CELSR2: variants seen among roughly 807,000 people sequenced by gnomAD.
CELSR2 encodes the protein EGF-like protein 2.
A neutral mutation model predicts 251.6 loss-of-function variants in CELSR2; 81 were observed. The observed-to-expected ratio is 0.32, with a 90% CI of 0.27 to 0.39. The LOEUF is 0.39. Among genes scored for constraint, CELSR2 ranks in the 10% least tolerant of loss-of-function variants. The pLI, the probability that CELSR2 is intolerant of heterozygous loss-of-function variation, is 1.00. For synonymous variants in CELSR2, 1,721 were observed against 1,670.5 expected, an observed-to-expected ratio of 1.03 and a Z score of -0.74; for missense variants, 3,365 against 3,947.7, an observed-to-expected ratio of 0.85 and a Z score of 3.96.
At chr1:109,262,515 G>T (rs1361960201) in intron 6 of CELSR2, 71 bp downstream of exon 6, 13 of 1,571,358 alleles carry the variant, frequency 8.3e-6, no homozygotes, top group Non-Finnish European at 1.0e-5. Flanking sequence ...AGGTGGAGAG[G>T]GTGGGCTTTT....
Position 109,250,721 on chromosome 1 carries a change from T to G in CELSR2, c.642T>G (p.Gly214=), listed in dbSNP as rs751415974. The change falls in exon 1 of 34, where the codon GGT becomes GGG. Residue 214 remains glycine (G), a synonymous_variant. Coordinates refer to ENST00000271332, the MANE Select transcript of CELSR2 (RefSeq NM_001408.3). The surrounding 1 kb of genome is among the most constrained non-coding windows in gnomAD (Gnocchi z 4.4). ...RAIDPDEGEA[G]RLEYTMDALF... is the part of the protein sequence containing the mutation. ...TCGACCCGGACGAGGGTGAGGCAGG[T>G]CGACTGGAGTACACCATGGATGCCC... The G allele has an allele frequency of 3.1e-6, 5 of 1,613,912 alleles. No homozygotes were observed. Among genetic ancestry groups the G allele is most frequent in the Non-Finnish European group, 4.2e-6 (5 of 1,180,020 alleles).
Position 109,253,113 on chromosome 1 carries a change from C to T in CELSR2, c.3034C>T (p.Arg1012Cys), listed in dbSNP as rs372546163. 15 of 1,613,838 alleles carry T rather than the reference C, an allele frequency of 9.3e-6. No homozygotes were observed. Among genetic ancestry groups the T allele is most frequent in the Middle Eastern group, 3.3e-4 (2 of 6,062 alleles). ...GGTGAGCCGGGCTACAGTCCACGTC[C>T]GCCTCCTTGACCGCAATGACAACCC... ...PLVSRATVHVRLLDRNDNPPV... is the reference protein window; with the variant it reads ...PLVSRATVHVCLLDRNDNPPV... Residue 1012 changes from arginine (R) to cysteine (C), a missense_variant, in exon 1 of 34, where the codon CGC becomes TGC. Physicochemically the swap from Arg to Cys is radical, Grantham distance 180. This residue lies in a region of CELSR2 where 505 missense variants were observed against 660.0 expected (regional missense o/e 0.77). Transcript: ENST00000271332.
chr1:109,263,520 G>A, intron 8 of CELSR2, 91 bp from the exon 9 acceptor site: 1 of 1,527,814 alleles, frequency 6.5e-7, no homozygotes, highest in South Asian at 1.2e-5. Flanking sequence ...AGTGGGCTCT[G>A]CCTCCCGTGC....
chr1:109,265,144 T>C, intron 12 of CELSR2, 47 bp from the exon 13 acceptor site: 1 of 1,581,594 alleles, frequency 6.3e-7, no homozygotes, highest in South Asian at 1.2e-5. Context: ...CTAGGTTAGG[T>C]GGGAGTGGCA....
At position 109,261,620 on chromosome 1, in the gene CELSR2, T is replaced by G; in HGVS notation, c.4289T>G (p.Phe1430Cys). 6.2e-7 allele frequency: 1 copy of G among 1,611,154 alleles called. No individual in the cohort carries two copies. The highest frequency in any genetic ancestry group is 8.5e-7 in the Non-Finnish European group (1 of 1,177,342). The change falls in exon 4 of 34, where the codon TTC (phenylalanine) becomes TGC (cysteine). Residue 1430 changes from phenylalanine to cysteine, a missense_variant. Phe to Cys is a radical substitution (Grantham distance 205). Transcript: ENST00000271332. This position sits in a 1 kb window ranked among gnomAD's most constrained non-coding sequence, Gnocchi z 4.8. The stretch of plus-strand genomic sequence containing the variant: ...ATCCAGGAGCAGGTCCAGCTCACCT[T>G]CTCTGCAGGTGATCACAGTTGCCCC... ...EVIQEQVQLTFSAGESTTTVS... is the reference protein window; with the variant it reads ...EVIQEQVQLTCSAGESTTTVS...
chr1:109,263,840 C>A, intron 9 of CELSR2, 63 bp downstream of exon 9: 1 of 1,568,362 alleles, frequency 6.4e-7, no homozygotes. Context: ...CTCTAGGCGG[C>A]TGGACAGAAG....
rs41279720 is a variant in CELSR2 at position 109,273,567 on chromosome 1, C to G, written c.8641C>G (p.Arg2881Gly). The G allele has an allele frequency of 2.6e-6, 4 of 1,565,346 alleles. No homozygotes were observed. Among genetic ancestry groups the G allele is most frequent in the Non-Finnish European group, 3.5e-6 (4 of 1,155,668 alleles). The change falls in exon 33 of 34, where the codon CGC (arginine) becomes GGC (glycine). Residue 2881 changes from arginine to glycine, a missense_variant. By Grantham distance (125) the Arg-to-Gly change is moderately radical. Around this residue, in one of 5 missense-constraint regions of CELSR2, gnomAD observed 2,093 missense variants for 2,382.8 expected, o/e 0.88. Coordinates refer to ENST00000271332, the MANE Select transcript of CELSR2 (RefSeq NM_001408.3). ...GGGCAGCCGGGGAGGCCCCCCTCCCCGCCCACCGCCCCGGCAGAGCCTCCA... is the reference window on the plus strand; with the variant it reads ...GGGCAGCCGGGGAGGCCCCCCTCCCGGCCCACCGCCCCGGCAGAGCCTCCA... ...SEGSRGGPPPRPPPRQSLQEQ... is the reference protein window; with the variant it reads ...SEGSRGGPPPGPPPRQSLQEQ...
rs751548414 is a variant in CELSR2, at chr1:109,265,933, A to T, written c.5911+15A>T. ...TGGCTGTGAAGGTGGGGCTCCTGGG[A>T]TGGGTGGGCAGCCCTCCTTACAGTG... On this transcript the variant is annotated intron_variant, in intron 14 of 33. Transcript: ENST00000271332. The T allele has an allele frequency of 1.9e-6, 3 of 1,606,962 alleles. No homozygotes were observed. In the South Asian group the frequency reaches 3.3e-5, roughly 18 times the overall value.
chr1:109,265,388 G>A, intron 13 of CELSR2, 77 bp downstream of exon 13: 3 of 1,437,020 alleles, frequency 2.1e-6, no homozygotes, highest in Admixed American at 2.2e-5. Context: ...AGGGCAGGCT[G>A]TAGGGATGGG....
At chr1:109,268,103 C>A in intron 17 of CELSR2, 43 bp downstream of exon 17, 1 of 1,560,356 alleles carries the variant, frequency 6.4e-7, no homozygotes, top group South Asian at 1.1e-5. Flanking sequence ...AGATAGGGGT[C>A]ATGGTGAGTG....
intron 33 of CELSR2, 87 bp from the exon 34 acceptor site, chr1:109,273,935 T>G (rs1570797149): frequency 6.5e-7 from 1 of 1,538,886 alleles, no homozygotes; most frequent in Non-Finnish European, 9.0e-7. Flanking sequence ...CCTGTTTCCT[T>G]CGTCTGGTGA....
chr1:109,256,457 T>C (rs1440791470), intron 1 of CELSR2, among the ~76,000 whole-genome samples: 1 of 152,154 alleles, frequency 6.6e-6, no homozygotes, highest in Non-Finnish European at 1.5e-5. Context: ...GCTTTCAGCC[T>C]TCCCGGCTTC....
At position 109,251,584 on chromosome 1, in the gene CELSR2, C is replaced by G. The variant is rs1378909536; in HGVS notation, c.1505C>G (p.Ala502Gly). Residue 502 changes from alanine (A) to glycine (G), a missense_variant, in exon 1 of 34, where the codon GCC (alanine) becomes GGC (glycine). This residue lies in a region of CELSR2 where 704 missense variants were observed against 784.1 expected (regional missense o/e 0.90). Transcript: ENST00000271332. The surrounding 1 kb of genome is among the most constrained non-coding windows in gnomAD (Gnocchi z 4.9). Reference protein sequence around the residue: ...TVQVLDINDNAPIFVSTPFQA... With the variant: ...TVQVLDINDNGPIFVSTPFQA... ...CAGGTCCTGGATATCAACGACAATG[C>G]CCCCATCTTCGTCAGCACCCCTTTC... 3.1e-6 allele frequency: 5 copies of G among 1,613,744 alleles called. No homozygotes were observed. Among genetic ancestry groups the G allele is most frequent in the Non-Finnish European group, 4.2e-6 (5 of 1,180,024 alleles).
Position 109,265,212 on chromosome 1 carries a change from T to C in CELSR2, c.5628T>C (p.Arg1876=). 1 of 1,608,688 alleles carries C rather than the reference T, an allele frequency of 6.2e-7. No individual in the cohort carries two copies. The highest frequency in any genetic ancestry group is 8.5e-7 in the Non-Finnish European group (1 of 1,176,722). Reference sequence around the variant, plus strand: ...GCAGGATTGACCAGCCTTGTCCCCGTGGCTGGTGGGGACATCCCACATGTG... The same window carrying C: ...GCAGGATTGACCAGCCTTGTCCCCGCGGCTGGTGGGGACATCCCACATGTG... ...CETRIDQPCP[R]GWWGHPTCGP... Residue 1876 remains arginine, a synonymous_variant, in exon 13 of 34, where the codon CGT becomes CGC. Coordinates refer to ENST00000271332, the MANE Select transcript of CELSR2 (RefSeq NM_001408.3).
Position 109,269,823 on chromosome 1 carries a change from C to T in CELSR2, c.7107+3C>T, listed in dbSNP as rs773477544. On this transcript the variant is annotated splice_donor_region_variant and intron_variant, in intron 22 of 33. Transcript: ENST00000271332. This position sits in a 1 kb window ranked among gnomAD's most constrained non-coding sequence, Gnocchi z 6.4. ...TCATGGACGTTTCTCGGCGGGAGGTCGGGCCCACAGGGGCAGCTGCAGAGC... is the reference window on the plus strand; with the variant it reads ...TCATGGACGTTTCTCGGCGGGAGGTTGGGCCCACAGGGGCAGCTGCAGAGC... 51 of 1,612,386 alleles carry T rather than the reference C, an allele frequency of 3.2e-5. No individual in the cohort carries two copies. Among genetic ancestry groups the T allele is most frequent in the African/African-American group, 8.0e-5 (6 of 74,860 alleles).
rs750982073 is a variant in CELSR2, at chr1:109,250,529, G to A, written c.450G>A (p.Leu150=). 7.4e-5 allele frequency: 120 copies of A among 1,613,838 alleles called. 3 individuals carry two copies. The South Asian group carries it at 1.3e-3, about 17-fold the overall frequency. ...GGCTCAGATGCCAGTCCTGCAAGCTGGCACAGGCCCCCGGGCTCAGGGCAG... is the reference window on the plus strand; with the variant it reads ...GGCTCAGATGCCAGTCCTGCAAGCTAGCACAGGCCCCCGGGCTCAGGGCAG... ...APRLRCQSCK[L]AQAPGLRAGE... Residue 150 remains leucine (L), a synonymous_variant, in exon 1 of 34, where the codon CTG becomes CTA. Coordinates refer to ENST00000271332, the MANE Select transcript of CELSR2 (RefSeq NM_001408.3). This position sits in a 1 kb window ranked among gnomAD's most constrained non-coding sequence, Gnocchi z 4.4.
At chr1:109,266,307 T>G in intron 15 of CELSR2, 101 bp downstream of exon 15, 1 of 1,404,532 alleles carries the variant, frequency 7.1e-7, no homozygotes, top group East Asian at 2.4e-5. Context: ...GACCCCACTT[T>G]CTGGCCTCCA....
Position 109,250,547 on chromosome 1 carries a change from C to G in CELSR2, c.468C>G (p.Leu156=). 6.2e-7 allele frequency: 1 copy of G among 1,613,950 alleles called. No homozygotes were observed. Among genetic ancestry groups the G allele is most frequent in the Non-Finnish European group, 8.5e-7 (1 of 1,180,006 alleles). Reference sequence around the variant, plus strand: ...GCAAGCTGGCACAGGCCCCCGGGCTCAGGGCAGGGGAAAGGTCACCAGAAG... The same window carrying G: ...GCAAGCTGGCACAGGCCCCCGGGCTGAGGGCAGGGGAAAGGTCACCAGAAG... ...QSCKLAQAPG[L]RAGERSPEES... The change falls in exon 1 of 34, where the codon CTC becomes CTG. Residue 156 remains leucine, a synonymous_variant. Transcript: ENST00000271332. The surrounding 1 kb of genome is among the most constrained non-coding windows in gnomAD (Gnocchi z 4.4).
Position 109,269,693 on chromosome 1 carries a change from G to T in CELSR2, c.6981-1G>T. The T allele has an allele frequency of 6.2e-7, 1 of 1,614,114 alleles. No homozygotes were observed. Among genetic ancestry groups the T allele is most frequent in the Non-Finnish European group, 8.5e-7 (1 of 1,180,030 alleles). ...TCCCTGACCCTGCCTTCCTCACACA[G>T]GGTCAGTGGCACAGGTGGCTGGTCG... On this transcript the variant is annotated splice_acceptor_variant, in intron 21 of 33. Coordinates refer to ENST00000271332, the MANE Select transcript of CELSR2 (RefSeq NM_001408.3). LOFTEE classifies it high-confidence loss of function. The surrounding 1 kb of genome is among the most constrained non-coding windows in gnomAD (Gnocchi z 6.4).
Sources: gnomAD v4.1 joint callset for allele counts (sites outside exome capture counted in the v4.1 genomes callset) on GRCh38, gnomAD v4.1.1 for gene constraint, gnomAD v4.1.1 regional missense constraint, Gnocchi (gnomAD v3.1) non-coding constraint, MANE v1.5 for transcripts, NCBI Gene and HGNC (gene_info 2026-07-23, HGNC 2026-07-21) for gene names.